BICD1: variants seen among roughly 807,000 people sequenced by gnomAD.
The protein encoded by BICD1 is protein bicaudal D homolog 1.
BICD1 carries 35 observed loss-of-function variants against 92.5 expected under a neutral mutation model. The ratio of observed to expected loss-of-function variants is 0.38; its 90% confidence interval spans 0.29 to 0.50. The LOEUF (loss-of-function observed/expected upper bound fraction) is 0.50, where lower values mean the gene tolerates loss of function less well. Ranked by LOEUF, BICD1 falls within the 20% of genes least tolerant of loss-of-function variation. The pLI, the probability that BICD1 is intolerant of heterozygous loss-of-function variation, is 0.93. For synonymous variants in BICD1, 429 were observed against 465.1 expected (o/e 0.92, Z 1.00); for missense variants, 950 against 1,189.8 (o/e 0.80, Z 2.97).
chr12:32,155,139 G>A (rs1354505936), intron 1 of BICD1, among the ~76,000 whole-genome samples: 1 of 152,082 alleles, frequency 6.6e-6, no homozygotes, highest in African/African-American at 2.4e-5. Flanking sequence ...AATCCACAGT[G>A]TAGATAAGGC....
chr12:32,127,792 T>A (rs2121275167), intron 1 of BICD1, among the ~76,000 whole-genome samples: 1 of 152,312 alleles, frequency 6.6e-6, no homozygotes, highest in Middle Eastern at 3.4e-3. Flanking sequence ...GGTCTAGTTG[T>A]GGTTGTCTTA....
chr12:32,180,546 C>G, intron 1 of BICD1, among the ~76,000 whole-genome samples: 1 of 151,896 alleles, frequency 6.6e-6, no homozygotes, highest in East Asian at 1.9e-4. Context: ...ATTTCCTCGG[C>G]AAAGTTACCC....
chr12:32,161,265 G>C (rs901529159), intron 1 of BICD1, among the ~76,000 whole-genome samples: 1 of 152,150 alleles, frequency 6.6e-6, no homozygotes, highest in African/African-American at 2.4e-5. Context: ...TATAACAAAT[G>C]AAAGGGAGCT....
chr12:32,216,572 C>T (rs1945369533), intron 2 of BICD1, 113 bp downstream of exon 2: 7 of 1,096,818 alleles, frequency 6.4e-6, no homozygotes, highest in African/African-American at 1.6e-5. Flanking sequence ...GTATTAAGCA[C>T]GAAACTACTA....
rs1305968853 is a variant in BICD1 at position 32,107,068 on chromosome 12, G to T, written c.-264G>T. On this transcript the variant is annotated 5_prime_UTR_variant, in exon 1 of 10. Coordinates refer to ENST00000652176, the MANE Select transcript of BICD1 (RefSeq NM_001714.4). ...GGCTGCTGACCGCACGCAGGGGCCG[G>T]CCCCGAGGACACATGCGGCGGCCTT... The T allele has an allele frequency of 2.2e-6, 1 of 464,928 alleles. No individual in the cohort carries two copies. Among genetic ancestry groups the T allele is most frequent in the Non-Finnish European group, 3.9e-6 (1 of 257,260 alleles). The allele number at this position is 464,928 out of a possible 1,614,324, so 28.8% of individuals were successfully genotyped here.
intron 5 of BICD1, among the ~76,000 whole-genome samples, chr12:32,334,236 A>G (rs1392132467): frequency 4.6e-5 from 7 of 152,132 alleles, no homozygotes; most frequent in Non-Finnish European, 4.4e-5. Context: ...ATCTGCATTA[A>G]ATATTTATTA....
chr12:32,198,633 C>T (rs1295540182), intron 1 of BICD1, among the ~76,000 whole-genome samples: 2 of 148,648 alleles, frequency 1.3e-5, no homozygotes, highest in Non-Finnish European at 3.0e-5. Context: ...TTTTGGGCTT[C>T]TTAAAATGGT....
chr12:32,266,972 G>A (rs1396679026), intron 2 of BICD1, among the ~76,000 whole-genome samples: 1 of 152,158 alleles, frequency 6.6e-6, no homozygotes, highest in African/African-American at 2.4e-5. Flanking sequence ...CCAGAACCCT[G>A]GCTCTGAGGT....
chr12:32,294,741 C>A (rs1234056212), intron 3 of BICD1, among the ~76,000 whole-genome samples: 8 of 150,130 alleles, frequency 5.3e-5, no homozygotes, highest in African/African-American at 9.8e-5. Flanking sequence ...GCTTTCAAAT[C>A]GTAGAGGGGA....
At chr12:32,180,213 C>A (rs1358256495) in intron 1 of BICD1, among the ~76,000 whole-genome samples, 1 of 151,772 alleles carries the variant, frequency 6.6e-6, no homozygotes, top group Non-Finnish European at 1.5e-5. Flanking sequence ...ATCAGCTCTG[C>A]GACTCCTCTT....
intron 3 of BICD1, among the ~76,000 whole-genome samples, chr12:32,299,950 G>T (rs76286891): frequency 0.012 from 1,795 of 152,258 alleles, 26 homozygotes; most frequent in African/African-American, 0.039. Flanking sequence ...AGTATCTTAG[G>T]TTTCATAGGT....
Position 32,324,353 on chromosome 12 carries a change from C to CAA in BICD1, c.1006-3099_1006-3098dup, listed in dbSNP as rs149196321. On this transcript the variant is annotated intron_variant, in intron 4 of 9. Coordinates refer to ENST00000652176, the MANE Select transcript of BICD1 (RefSeq NM_001714.4). The stretch of plus-strand genomic sequence containing the variant: ...CTGGTGACAGAGCTAGACTCCATCT[C>CAA]AAAAAAAAAACAAAAAAAAAAACTT... Among the ~76,000 whole-genome samples the CAA allele has an allele frequency of 1.5e-3, 75 of 48,996 alleles. 5 individuals carry two copies. Among genetic ancestry groups the CAA allele is most frequent in the South Asian group, 7.9e-3 (14 of 1,774 alleles). The allele number at this position is 48,996 out of a possible 152,430, so 32.1% of individuals were successfully genotyped here. A position where few individuals can be genotyped will look rare whatever the true frequency, so the allele number is the denominator to read the frequency against.
intron 4 of BICD1, among the ~76,000 whole-genome samples, chr12:32,321,859 C>T (rs926162540): frequency 3.9e-5 from 6 of 152,076 alleles, no homozygotes; most frequent in African/African-American, 1.4e-4. Context: ...ATTAGCCAGG[C>T]GCAGTGGCAG....
At chr12:32,174,016 T>C (rs1438378746) in intron 1 of BICD1, among the ~76,000 whole-genome samples, 4 of 152,242 alleles carry the variant, frequency 2.6e-5, no homozygotes, top group African/African-American at 9.6e-5. Flanking sequence ...TATTGTAATC[T>C]TGTTTATGAC....
chr12:32,324,353 CA>C, intron 4 of BICD1, among the ~76,000 whole-genome samples: 1 of 49,206 alleles, frequency 2.0e-5, no homozygotes, highest in African/African-American at 7.9e-5. Flanking sequence ...GACTCCATCT[CA>C]AAAAAAAAAC....
At chr12:32,117,300 G>A (rs1229099939) in intron 1 of BICD1, among the ~76,000 whole-genome samples, 5 of 152,060 alleles carry the variant, frequency 3.3e-5, no homozygotes, top group South Asian at 2.1e-4. Flanking sequence ...ATCATTCCAG[G>A]TGTTCCAAAT....
intron 1 of BICD1, among the ~76,000 whole-genome samples, chr12:32,143,787 C>T (rs1436049774): frequency 6.6e-6 from 1 of 152,168 alleles, no homozygotes; most frequent in East Asian, 1.9e-4. Flanking sequence ...TCTATTCTCA[C>T]CATCATTGGA....
chr12:32,149,422 C>A (rs2121421462), intron 1 of BICD1, among the ~76,000 whole-genome samples: 1 of 152,286 alleles, frequency 6.6e-6, no homozygotes, highest in Non-Finnish European at 1.5e-5. Context: ...GATATGTTTT[C>A]ATATACATTA....
chr12:32,239,743 G>C (rs954291427), intron 2 of BICD1, among the ~76,000 whole-genome samples: 1 of 151,460 alleles, frequency 6.6e-6, no homozygotes, highest in African/African-American at 2.4e-5. Context: ...CAAGCAGCTG[G>C]GATTACAGGC....
Sources: gnomAD v4.1 joint callset for allele counts (sites outside exome capture counted in the v4.1 genomes callset) on GRCh38, gnomAD v4.1.1 for gene constraint, MANE v1.5 for transcripts, NCBI Gene and HGNC (gene_info 2026-07-23, HGNC 2026-07-21) for gene names.